Variants in IFT80 observed in about 807,000 individuals in gnomAD.
The protein encoded by IFT80 is intraflagellar transport 80, also known as intraflagellar transport protein 80 homolog.
A neutral mutation model predicts 107.9 loss-of-function variants in IFT80; 79 were observed. The ratio of observed to expected loss-of-function variants is 0.73; its 90% CI spans 0.61 to 0.88. The LOEUF is 0.88. Among genes scored for constraint, IFT80 ranks in the 40% least tolerant of loss-of-function variants. IFT80 has a pLI of 0.00. For missense variants in IFT80, 797 were observed against 914.2 expected, an observed-to-expected ratio of 0.87 and a Z score of 1.65; for synonymous variants, 299 against 300.9, an observed-to-expected ratio of 0.99 and a Z score of 0.07.
rs552426731 is a variant in IFT80 at position 160,282,335 on chromosome 3, C to CT, written c.1516+142dup. The stretch of plus-strand genomic sequence containing the variant: ...GCTTTTTAATAAACTTTCACTCCTA[C>CT]TTTTTTAAAAAAAGGGTTAAATAGC... On this transcript the variant is annotated intron_variant, in intron 14 of 19. Coordinates refer to ENST00000326448, the MANE Select transcript of IFT80 (RefSeq NM_020800.3). The CT allele has an allele frequency of 2.8e-5, 18 of 634,402 alleles. 1 individual carries two copies. In the South Asian group the frequency reaches 4.4e-4, roughly 16 times the overall value. The allele number at this position is 634,402 out of a possible 1,614,324, so 39.3% of individuals were successfully genotyped here.
intron 8 of IFT80, among the ~76,000 whole-genome samples, chr3:160,334,409 T>C (rs543008134): frequency 1.1e-4 from 17 of 150,994 alleles, no homozygotes; most frequent in African/African-American, 2.7e-4. Flanking sequence ...TCACTAAATA[T>C]GATGCTCAAA....
intron 18 of IFT80, among the ~76,000 whole-genome samples, chr3:160,269,946 TG>T (rs1713667407): frequency 6.6e-6 from 1 of 152,232 alleles, no homozygotes. Context: ...TTAGATTTTT[TG>T]CAACTAGACT....
chr3:160,301,497 G>T (rs1359989849), intron 11 of IFT80, among the ~76,000 whole-genome samples: 1 of 151,816 alleles, frequency 6.6e-6, no homozygotes, highest in African/African-American at 2.4e-5. Flanking sequence ...AGATTAACTA[G>T]TGGTTAAAGT....
chr3:160,273,530 G>A (rs989562021), intron 18 of IFT80, among the ~76,000 whole-genome samples: 2 of 152,130 alleles, frequency 1.3e-5, no homozygotes, highest in African/African-American at 4.8e-5. Flanking sequence ...GCGAAGGTGA[G>A]GAAAATGTTA....
At chr3:160,376,676 A>G (rs553454713) in intron 4 of IFT80, among the ~76,000 whole-genome samples, 25 of 152,338 alleles carry the variant, frequency 1.6e-4, no homozygotes, top group Admixed American at 1.4e-3. Flanking sequence ...CTGAGGGTAC[A>G]CTACAAAAGA....
rs1712530305 is a variant in IFT80 at position 160,258,481 on chromosome 3, A to C, written c.*44T>G. On this transcript the variant is annotated 3_prime_UTR_variant, in exon 20 of 20. Coordinates refer to ENST00000326448, the MANE Select transcript of IFT80 (RefSeq NM_020800.3). Reference sequence around the variant, plus strand: ...AACATGCTTACCCTTGGTTAATCAGAACGTGTTTCAAAAGATAAAATTTCT... The same window carrying C: ...AACATGCTTACCCTTGGTTAATCAGCACGTGTTTCAAAAGATAAAATTTCT... The C allele has an allele frequency of 1.2e-6, 2 of 1,612,178 alleles. No individual in the cohort carries two copies. Among genetic ancestry groups the C allele is most frequent in the Non-Finnish European group, 1.7e-6 (2 of 1,179,496 alleles).
At position 160,300,969 on chromosome 3, in the gene IFT80, G is replaced by T. The variant is rs148396265; in HGVS notation, c.1229C>A (p.Pro410His). Residue 410 changes from proline (P) to histidine (H), a missense_variant, in exon 12 of 20, where the codon CCT becomes CAT. Physicochemically the swap from Pro to His is moderately conservative, Grantham distance 77. Coordinates refer to ENST00000326448, the MANE Select transcript of IFT80 (RefSeq NM_020800.3). ...ATTCAGAATATCTGTTCTCATTCCA[G>T]GAAATTTTGGAGATGAAATAAAGCG... is the stretch of plus-strand genomic sequence containing the variant. ...EGRFISSPKF[P>H]GMRTDILNAQ... 6.2e-7 allele frequency: 1 copy of T among 1,609,510 alleles called. No homozygotes were observed. Among genetic ancestry groups the T allele is most frequent in the Non-Finnish European group, 8.5e-7 (1 of 1,177,504 alleles).
At position 160,384,749 on chromosome 3, in the gene IFT80, C is replaced by T. The variant is rs879439016; in HGVS notation, c.-46-103G>A. 40 of 773,178 alleles carry T rather than the reference C, an allele frequency of 5.2e-5. 1 individual carries two copies. Among genetic ancestry groups the T allele is most frequent in the South Asian group, 4.9e-4 (29 of 58,768 alleles). The allele number at this position is 773,178 out of a possible 1,614,324, so 47.9% of individuals were successfully genotyped here. ...AAACATCATTGCACCCCAACGAGCACCTTCAGTCCTTCTGACATCAAGTAC... is the reference window on the plus strand; with the variant it reads ...AAACATCATTGCACCCCAACGAGCATCTTCAGTCCTTCTGACATCAAGTAC... On this transcript the variant is annotated intron_variant, in intron 1 of 19. Transcript: ENST00000326448.
chr3:160,310,650 A>C (rs1049189851), intron 9 of IFT80, among the ~76,000 whole-genome samples: 1 of 147,598 alleles, frequency 6.8e-6, no homozygotes, highest in African/African-American at 2.4e-5. Context: ...TACAAAACCC[A>C]GTGGGAAGCT....
intron 9 of IFT80, among the ~76,000 whole-genome samples, chr3:160,308,273 T>C (rs898886606): frequency 9.2e-5 from 14 of 152,070 alleles, no homozygotes; most frequent in Non-Finnish European, 4.4e-5. Context: ...AATTGCATGG[T>C]GAAGAAGCCA....
At chr3:160,383,960 T>C (rs1302712154) in intron 2 of IFT80, 2 of 985,328 alleles carry the variant, frequency 2.0e-6, no homozygotes, top group African/African-American at 3.5e-5. Context: ...AATGCTTCAT[T>C]TTGGCCAGGC....
intron 8 of IFT80, among the ~76,000 whole-genome samples, chr3:160,336,604 T>TGA (rs1259412788): frequency 2.0e-5 from 3 of 152,142 alleles, no homozygotes; most frequent in African/African-American, 7.2e-5. Context: ...TGTGTGTGTG[T>TGA]GTGTATCCAT....
At chr3:160,398,869 C>A (rs1576921589) in intron 1 of IFT80, among the ~76,000 whole-genome samples, 1 of 151,904 alleles carries the variant, frequency 6.6e-6, no homozygotes. Context: ...AAACCTTTCA[C>A]TAGTAACACC....
intron 1 of IFT80, among the ~76,000 whole-genome samples, chr3:160,395,909 T>G (rs1713738699): frequency 1.3e-5 from 2 of 152,232 alleles, no homozygotes; most frequent in African/African-American, 4.8e-5. Flanking sequence ...ATTACTGTAA[T>G]TATTTCTTCT....
At chr3:160,315,053 A>AAGGGAGGGAGGG (rs3043631) in intron 9 of IFT80, among the ~76,000 whole-genome samples, 4,251 of 44,938 alleles carry the variant, frequency 0.095, 395 homozygotes, top group Admixed American at 0.11. Context: ...AAAAAGAAGG[A>AAGGGAGGGAGGG]AGGGAGGGAG....
chr3:160,273,580 A>G (rs1403777970), intron 18 of IFT80, among the ~76,000 whole-genome samples: 1 of 152,194 alleles, frequency 6.6e-6, no homozygotes, highest in East Asian at 1.9e-4. Context: ...CAGCTGAAAG[A>G]ATGATAAGAT....
chr3:160,333,775 T>G (rs934511225), intron 8 of IFT80, among the ~76,000 whole-genome samples: 7 of 152,162 alleles, frequency 4.6e-5, no homozygotes, highest in Non-Finnish European at 1.0e-4. Context: ...ACAGTTAACT[T>G]CTTTTTAAAA....
intron 8 of IFT80, among the ~76,000 whole-genome samples, chr3:160,353,721 G>T (rs1354461581): frequency 6.6e-6 from 1 of 152,130 alleles, no homozygotes; most frequent in Non-Finnish European, 1.5e-5. Context: ...TTCCTGTATA[G>T]CACTTGTCAT....
chr3:160,301,180 G>A (rs1716399485), intron 11 of IFT80, 134 bp from the exon 12 acceptor site: 2 of 877,566 alleles, frequency 2.3e-6, no homozygotes, highest in Non-Finnish European at 3.2e-6. Context: ...GATATATAAG[G>A]AACAAAACAT....
Sources: gnomAD v4.1 joint callset for allele counts (sites outside exome capture counted in the v4.1 genomes callset) on GRCh38, gnomAD v4.1.1 for gene constraint, MANE v1.5 for transcripts, NCBI Gene and HGNC (gene_info 2026-07-23, HGNC 2026-07-21) for gene names.